Variants in CTNNA2 observed in about 807,000 individuals in gnomAD.
CTNNA2 encodes catenin alpha-2.
A neutral mutation model predicts 101.0 loss-of-function variants in CTNNA2; 42 were observed. The ratio of observed to expected loss-of-function variants is 0.42; its 90% CI spans 0.32 to 0.54. The LOEUF (loss-of-function observed/expected upper bound fraction) is 0.54. Ranked by LOEUF, CTNNA2 falls within the 20% of genes least tolerant of loss-of-function variation. The probability of loss-of-function intolerance (pLI) is 0.14; values close to 1 mark genes in which losing one functional copy is unlikely to be tolerated. For missense variants in CTNNA2, 871 were observed against 1,223.1 expected (o/e 0.71, Z 4.29); for synonymous variants, 450 against 456.4 (o/e 0.99, Z 0.18).
At chr2:80,060,812 G>A (rs1697549934) in intron 7 of CTNNA2, among the ~76,000 whole-genome samples, 2 of 152,164 alleles carry the variant, frequency 1.3e-5, no homozygotes, top group Admixed American at 6.5e-5. Flanking sequence ...CCCACCAGCT[G>A]TCAGGAGTGT....
At chr2:79,609,616 A>G (rs1048840584) in intron 1 of CTNNA2, among the ~76,000 whole-genome samples, 2 of 152,116 alleles carry the variant, frequency 1.3e-5, no homozygotes, top group African/African-American at 4.8e-5. Flanking sequence ...ACCATAAGAA[A>G]ATAGAAAGTC....
At chr2:79,649,845 G>A (rs2104465521) in intron 1 of CTNNA2, among the ~76,000 whole-genome samples, 1 of 152,168 alleles carries the variant, frequency 6.6e-6, no homozygotes, top group African/African-American at 2.4e-5. Context: ...GAAGCAAATT[G>A]GTTGGGTCTA....
intron 4 of CTNNA2, among the ~76,000 whole-genome samples, chr2:79,405,286 G>A (rs1678329655): frequency 6.6e-6 from 1 of 151,924 alleles, no homozygotes; most frequent in African/African-American, 2.4e-5. Context: ...GGGTGCCAAG[G>A]GTCAGGTGAG....
At chr2:79,815,365 T>G (rs1294391273) in intron 3 of CTNNA2, among the ~76,000 whole-genome samples, 1 of 152,108 alleles carries the variant, frequency 6.6e-6, no homozygotes, top group Non-Finnish European at 1.5e-5. Context: ...TCTAGGAGGG[T>G]TTTTTCAATG....
chr2:80,025,013 G>A (rs1359631889), intron 7 of CTNNA2, among the ~76,000 whole-genome samples: 1 of 152,140 alleles, frequency 6.6e-6, no homozygotes, highest in East Asian at 1.9e-4. Flanking sequence ...TTCCCCTCGA[G>A]TTCGACCATC....
intron 3 of CTNNA2, among the ~76,000 whole-genome samples, chr2:79,316,968 G>A (rs923013302): frequency 6.6e-6 from 1 of 151,938 alleles, no homozygotes; most frequent in Admixed American, 6.6e-5. Flanking sequence ...TTCATGTCTT[G>A]TTCCTGATCT....
rs190558376 is a variant in CTNNA2 at position 79,644,257 on chromosome 2, C to G, written c.-5-7295C>G. Among the ~76,000 whole-genome samples, 1,285 of 152,136 alleles carry G rather than the reference C, an allele frequency of 8.4e-3. 27 individuals carry two copies. The highest frequency in any genetic ancestry group is 0.028 in the African/African-American group (1,167 of 41,486). On this transcript the variant is annotated intron_variant, in intron 1 of 18. Coordinates refer to ENST00000402739, the MANE Select transcript of CTNNA2 (RefSeq NM_001282597.3). ...GTTTCAACATGTTGGCCAGGCTGGT[C>G]TCGAACTCCTGACCTTGTGATCCTC...
chr2:79,530,061 T>G (rs558164575), intron 1 of CTNNA2, among the ~76,000 whole-genome samples: 3 of 152,142 alleles, frequency 2.0e-5, no homozygotes, highest in South Asian at 2.1e-4. Context: ...CATGTCCACT[T>G]TGTGGTCTGC....
intron 14 of CTNNA2, among the ~76,000 whole-genome samples, chr2:80,585,184 A>G (rs561257796): frequency 2.0e-5 from 3 of 152,260 alleles, no homozygotes; most frequent in African/African-American, 7.2e-5. Context: ...TTTCTCTGGA[A>G]ATTGGAAGAT....
At chr2:80,627,527 G>A (rs749778914) in intron 18 of CTNNA2, among the ~76,000 whole-genome samples, 1 of 152,126 alleles carries the variant, frequency 6.6e-6, no homozygotes, top group Non-Finnish European at 1.5e-5. Flanking sequence ...TTTGAGAAGT[G>A]TCTGTTCATA....
At chr2:79,731,297 ATTTAGACTTGT>A (rs1265226768) in intron 2 of CTNNA2, among the ~76,000 whole-genome samples, 2 of 152,068 alleles carry the variant, frequency 1.3e-5, no homozygotes, top group Non-Finnish European at 2.9e-5. Flanking sequence ...TTCATTGATG[ATTTAGACTTGT>A]TTATTGAAGT....
intron 2 of CTNNA2, among the ~76,000 whole-genome samples, chr2:79,689,433 C>T (rs1684146199): frequency 6.6e-6 from 1 of 152,016 alleles, no homozygotes; most frequent in South Asian, 2.1e-4. Context: ...AGTTTCAAAT[C>T]AGCTGAGTCT....
At chr2:79,489,574 T>G (rs1380854971) in intron 4 of CTNNA2, among the ~76,000 whole-genome samples, 1 of 152,168 alleles carries the variant, frequency 6.6e-6, no homozygotes, top group Non-Finnish European at 1.5e-5. Flanking sequence ...TTAACATTGA[T>G]CAGTACCTTC....
intron 2 of CTNNA2, among the ~76,000 whole-genome samples, chr2:79,708,518 A>T (rs1685531565): frequency 6.6e-6 from 1 of 152,206 alleles, no homozygotes; most frequent in African/African-American, 2.4e-5. Flanking sequence ...ATGCTTTCAT[A>T]AATAAACATT....
At chr2:79,579,939 C>A (rs1255852505) in intron 1 of CTNNA2, among the ~76,000 whole-genome samples, 1 of 152,044 alleles carries the variant, frequency 6.6e-6, no homozygotes, top group Non-Finnish European at 1.5e-5. Context: ...TTCTTCTGAA[C>A]AAAGTTGCCA....
At chr2:79,245,679 C>A (rs1336198616) in intron 2 of CTNNA2, among the ~76,000 whole-genome samples, 1 of 152,168 alleles carries the variant, frequency 6.6e-6, no homozygotes, top group East Asian at 1.9e-4. Flanking sequence ...CTTTCAGTCC[C>A]ACTGATTTAC....
intron 7 of CTNNA2, among the ~76,000 whole-genome samples, chr2:80,297,251 C>T (rs1675828005): frequency 6.6e-6 from 1 of 152,146 alleles, no homozygotes; most frequent in South Asian, 2.1e-4. Flanking sequence ...AGTGGAGGGG[C>T]AACCATTCAA....
chr2:80,339,822 AG>A (rs1672076213), intron 7 of CTNNA2, among the ~76,000 whole-genome samples: 1 of 152,218 alleles, frequency 6.6e-6, no homozygotes, highest in African/African-American at 2.4e-5. Flanking sequence ...ACTTTGAGCT[AG>A]GGGAGATTAT....
rs1037745856 is a variant in CTNNA2, at chr2:79,318,373, A to C, written c.-318+5577A>C. Among the ~76,000 whole-genome samples the C allele has an allele frequency of 2.0e-5, 3 of 152,314 alleles. No homozygotes were observed. In the East Asian group the frequency reaches 5.8e-4, roughly 29 times the overall value. On this transcript the variant is annotated intron_variant, in intron 3 of 21. Coordinates refer to the CTNNA2 transcript ENST00000466387. ...GGGGAAAAGAAAAAAGAAGAAAAAAATACATTTTATATTGAATATGCATTG... is the reference window on the plus strand; with the variant it reads ...GGGGAAAAGAAAAAAGAAGAAAAAACTACATTTTATATTGAATATGCATTG...
Sources: gnomAD v4.1 joint callset for allele counts (sites outside exome capture counted in the v4.1 genomes callset) on GRCh38, gnomAD v4.1.1 for gene constraint, MANE v1.5 for transcripts, NCBI Gene and HGNC (gene_info 2026-07-23, HGNC 2026-07-21) for gene names.